Variants in NR3C2 observed in about 807,000 individuals in gnomAD.
NR3C2 encodes nuclear receptor subfamily 3 group C member 2.
Under a neutral mutation model 86.4 loss-of-function variants are expected in NR3C2, and 15 were observed. The observed-to-expected ratio is 0.17, with a 90% confidence interval of 0.12 to 0.27. NR3C2 has a LOEUF of 0.27. Among genes scored for constraint, NR3C2 ranks in the 10% least tolerant of loss-of-function variants. The pLI, the probability that NR3C2 is intolerant of heterozygous loss-of-function variation, is 1.00. For missense variants in NR3C2, 960 were observed against 1,195.6 expected, an observed-to-expected ratio of 0.80 and a Z score of 2.91; for synonymous variants, 458 against 450.5, an observed-to-expected ratio of 1.02 and a Z score of -0.21.
At chr4:148,093,550 C>T (rs61763149) in intron 8 of NR3C2, among the ~76,000 whole-genome samples, 25 of 152,178 alleles carry the variant, frequency 1.6e-4, no homozygotes, top group Middle Eastern at 3.4e-3. Flanking sequence ...AGCATTGGGG[C>T]GGGGGATATT....
At chr4:148,148,166 C>CAA (rs1733954616) in intron 6 of NR3C2, among the ~76,000 whole-genome samples, 1 of 151,554 alleles carries the variant, frequency 6.6e-6, no homozygotes, top group Non-Finnish European at 1.5e-5. Context: ...AAACCTGAGT[C>CAA]TTCTTCCCTT....
At chr4:148,107,546 C>G (rs553262688) in intron 8 of NR3C2, among the ~76,000 whole-genome samples, 1 of 152,136 alleles carries the variant, frequency 6.6e-6, no homozygotes. Context: ...TGCATGCACA[C>G]GTATATTTAT....
intron 2 of NR3C2, among the ~76,000 whole-genome samples, chr4:148,399,391 C>T (rs1181937298): frequency 1.3e-5 from 2 of 151,378 alleles, no homozygotes; most frequent in East Asian, 3.9e-4. Context: ...ATATATAATA[C>T]ACTACATATT....
At chr4:148,172,487 T>C (rs1301175021) in intron 4 of NR3C2, among the ~76,000 whole-genome samples, 1 of 152,212 alleles carries the variant, frequency 6.6e-6, no homozygotes, top group Admixed American at 6.5e-5. Flanking sequence ...ATTGTCCTGG[T>C]GCAGGGATGG....
intron 2 of NR3C2, among the ~76,000 whole-genome samples, chr4:148,299,852 G>A (rs1040181548): frequency 1.3e-5 from 2 of 152,078 alleles, no homozygotes; most frequent in Non-Finnish European, 2.9e-5. Flanking sequence ...ACTGGGTCAG[G>A]AGTTAACTTT....
Position 148,113,765 on chromosome 4 carries a change from T to C in NR3C2, c.2799+339A>G, listed in dbSNP as rs141078238. On this transcript the variant is annotated intron_variant, in intron 8 of 8. Coordinates refer to ENST00000358102, the MANE Select transcript of NR3C2 (RefSeq NM_000901.5). ...ACATCCGAATCCCTGGCCCATTCTT[T>C]GGAATGCAGGTCGTCCAGGGGATCG... Among the ~76,000 whole-genome samples, 956 of 152,312 alleles carry C rather than the reference T, an allele frequency of 6.3e-3. 9 individuals carry two copies. Among genetic ancestry groups the C allele is most frequent in the African/African-American group, 0.022 (899 of 41,566 alleles).
chr4:148,188,021 C>T (rs1736015956), intron 4 of NR3C2, among the ~76,000 whole-genome samples: 1 of 152,134 alleles, frequency 6.6e-6, no homozygotes, highest in South Asian at 2.1e-4. Context: ...GATCAGTTGG[C>T]TCTAAGTATC....
Position 148,274,709 on chromosome 4 carries a change from T to C in NR3C2, c.1758-14592A>G, listed in dbSNP as rs978764534. On this transcript the variant is annotated intron_variant, in intron 2 of 8. Transcript: ENST00000358102. ...TCCAGTCTCAGGTAGTTTTTTCTTT[T>C]TTTTTTTTTTTTTGAGATGGAGTTT... Among the ~76,000 whole-genome samples, 3 of 149,462 alleles carry C rather than the reference T, an allele frequency of 2.0e-5. No individual in the cohort carries two copies. In the East Asian group the frequency reaches 6.5e-4, roughly 32 times the overall value.
intron 3 of NR3C2, 110 bp downstream of exon 3, chr4:148,259,868 A>T: frequency 1.4e-6 from 2 of 1,387,160 alleles, no homozygotes; most frequent in Non-Finnish European, 2.0e-6. Flanking sequence ...CTGACAGATT[A>T]AATCAAAAAT....
At chr4:148,316,632 A>G (rs190587719) in intron 2 of NR3C2, among the ~76,000 whole-genome samples, 201 of 152,316 alleles carry the variant, frequency 1.3e-3, no homozygotes, top group Non-Finnish European at 1.2e-3. Context: ...ATTAGCCAAA[A>G]TTATGCTCAG....
At chr4:148,353,037 C>CA (rs1320103717) in intron 2 of NR3C2, among the ~76,000 whole-genome samples, 1 of 151,744 alleles carries the variant, frequency 6.6e-6, no homozygotes, top group Non-Finnish European at 1.5e-5. Context: ...TTACAGATAG[C>CA]AAAAAAAGTG....
chr4:148,312,403 C>A (rs546706679), intron 2 of NR3C2, among the ~76,000 whole-genome samples: 1 of 152,298 alleles, frequency 6.6e-6, no homozygotes, highest in South Asian at 2.1e-4. Flanking sequence ...AATATTTACA[C>A]TATCAAAATC....
chr4:148,304,147 G>A (rs1040204881), intron 2 of NR3C2, among the ~76,000 whole-genome samples: 7 of 151,808 alleles, frequency 4.6e-5, no homozygotes, highest in South Asian at 2.1e-4. Context: ...TCCTTTTTCC[G>A]CCTCTGTCCT....
intron 6 of NR3C2, among the ~76,000 whole-genome samples, chr4:148,126,948 T>C (rs1687148298): frequency 6.6e-6 from 1 of 152,232 alleles, no homozygotes; most frequent in African/African-American, 2.4e-5. Flanking sequence ...CCTTTCTCTG[T>C]GTGCCAAGCT....
intron 6 of NR3C2, among the ~76,000 whole-genome samples, chr4:148,125,847 A>T (rs1256473915): frequency 6.6e-6 from 1 of 152,258 alleles, no homozygotes; most frequent in East Asian, 1.9e-4. Flanking sequence ...TTTGCATATG[A>T]TGATGATAAT....
At chr4:148,245,319 G>A (rs1213644664) in intron 3 of NR3C2, among the ~76,000 whole-genome samples, 1 of 152,160 alleles carries the variant, frequency 6.6e-6, no homozygotes, top group Non-Finnish European at 1.5e-5. Flanking sequence ...GAATCAGGGA[G>A]AGGCTGGGTA....
intron 3 of NR3C2, among the ~76,000 whole-genome samples, chr4:148,227,532 C>A (rs529210162): frequency 8.5e-5 from 13 of 152,184 alleles, no homozygotes; most frequent in African/African-American, 2.9e-4. Flanking sequence ...ATATTTTCAC[C>A]TACTAATTTA....
At chr4:148,409,349 C>A (rs896289568) in intron 2 of NR3C2, among the ~76,000 whole-genome samples, 5 of 152,006 alleles carry the variant, frequency 3.3e-5, no homozygotes, top group Non-Finnish European at 7.4e-5. Flanking sequence ...TCTAAAAATT[C>A]TTGGTGTTTT....
intron 3 of NR3C2, among the ~76,000 whole-genome samples, chr4:148,230,304 ATGCCTTAGCC>A (rs1738394928): frequency 1.3e-5 from 2 of 152,042 alleles, no homozygotes; most frequent in Non-Finnish European, 2.9e-5. Context: ...AGGGATTCTC[ATGCCTTAGCC>A]ACCCAAGCAG....
Sources: gnomAD v4.1 joint callset for allele counts (sites outside exome capture counted in the v4.1 genomes callset) on GRCh38, gnomAD v4.1.1 for gene constraint, MANE v1.5 for transcripts, NCBI Gene and HGNC (gene_info 2026-07-23, HGNC 2026-07-21) for gene names.